The following WDR33 variants were observed in gnomAD, a reference collection of about 807,000 sequenced individuals.
The protein encoded by WDR33 is WD repeat domain 33, also known as pre-mRNA 3' end processing protein WDR33.
WDR33 carries 47 observed loss-of-function variants against 164.9 expected under a neutral mutation model. The ratio of observed to expected loss-of-function variants is 0.29; its 90% CI spans 0.23 to 0.36. WDR33 has a LOEUF of 0.36. WDR33 is among the 10% of genes least tolerant of loss of function. The probability of loss-of-function intolerance (pLI) is 1.00; values close to 1 mark genes in which losing one functional copy is unlikely to be tolerated. For missense variants in WDR33, 1,137 were observed against 1,754.1 expected, an observed-to-expected ratio of 0.65 and a Z score of 6.28; for synonymous variants, 505 against 589.0, an observed-to-expected ratio of 0.86 and a Z score of 2.06.
At chr2:127,791,214 A>C (rs1291668970) in intron 1 of WDR33, among the ~76,000 whole-genome samples, 1 of 104,220 alleles carries the variant, frequency 9.6e-6, no homozygotes, top group Non-Finnish European at 1.9e-5. Flanking sequence ...GCTGCAAGAC[A>C]GTGGCACAAT....
Position 127,701,989 on chromosome 2 carries a change from G to A in WDR33, c.*4334C>T. On this transcript the variant is annotated 3_prime_UTR_variant, in exon 22 of 22. Coordinates refer to ENST00000322313, the MANE Select transcript of WDR33 (RefSeq NM_018383.5). ...GCGCTGCTCTACATGGCAGCGCTGG[G>A]CGCCACGCTGTTCGCCGCGCTGGGC... 7.5e-7 allele frequency: 1 copy of A among 1,341,472 alleles called. No homozygotes were observed. Among genetic ancestry groups the A allele is most frequent in the Non-Finnish European group, 9.5e-7 (1 of 1,049,690 alleles). The allele number at this position is 1,341,472 out of a possible 1,614,324, so 83.1% of individuals were successfully genotyped here.
chr2:127,768,093 T>C (rs767626733), intron 4 of WDR33, 96 bp downstream of exon 4: 4 of 748,554 alleles, frequency 5.3e-6, no homozygotes, highest in Non-Finnish European at 7.7e-6. Context: ...CCAGATATAC[T>C]TTTAAAATAA....
Position 127,701,582 on chromosome 2 carries a change from C to T in WDR33, c.*4741G>A. ...AGTACCTGGCGCAGGGGAAAGCTGG[C>T]GGCCCGGCGGCCGCGGAGCCGCTGC... On this transcript the variant is annotated 3_prime_UTR_variant, in exon 22 of 22. Transcript: ENST00000322313. The T allele has an allele frequency of 2.2e-6, 3 of 1,334,144 alleles. No individual in the cohort carries two copies. Among genetic ancestry groups the T allele is most frequent in the Non-Finnish European group, 9.6e-7 (1 of 1,036,406 alleles). 82.6% of individuals were successfully genotyped at this position (1,334,144 alleles called of 1,614,324 possible).
intron 1 of WDR33, among the ~76,000 whole-genome samples, chr2:127,773,810 C>G (rs59727076): frequency 6.6e-6 from 1 of 152,106 alleles, no homozygotes; most frequent in South Asian, 2.1e-4. Context: ...GTTGCCCAGG[C>G]TGGAGTGCAG....
At chr2:127,807,232 C>T (rs1689471029) in intron 1 of WDR33, among the ~76,000 whole-genome samples, 1 of 152,170 alleles carries the variant, frequency 6.6e-6, no homozygotes, top group Non-Finnish European at 1.5e-5. Context: ...TCTTGAACTC[C>T]TGACCTCAGG....
intron 7 of WDR33, among the ~76,000 whole-genome samples, chr2:127,748,248 A>T (rs1687222359): frequency 1.3e-5 from 2 of 152,200 alleles, no homozygotes; most frequent in Non-Finnish European, 2.9e-5. Flanking sequence ...ACACCCTGTT[A>T]CTAGGACACC....
chr2:127,736,968 T>C (rs922537797), intron 7 of WDR33: 1 of 985,136 alleles, frequency 1.0e-6, no homozygotes, highest in Admixed American at 6.1e-5. Flanking sequence ...GATAACAATT[T>C]GAAAAGGTAC....
Position 127,808,161 on chromosome 2 carries a change from A to G in WDR33, c.-24+2851T>C, listed in dbSNP as rs138862504. On this transcript the variant is annotated intron_variant, in intron 1 of 21. Coordinates refer to ENST00000322313, the MANE Select transcript of WDR33 (RefSeq NM_018383.5). ...TTTAAAACTGAAAATGATGTCACCA[A>G]TTAAATTCATCACAGAAAGAAAAAA... Among the ~76,000 whole-genome samples, 862 of 152,266 alleles carry G rather than the reference A, an allele frequency of 5.7e-3. 14 individuals are homozygous for G. Among genetic ancestry groups the G allele is most frequent in the African/African-American group, 0.019 (807 of 41,512 alleles).
intron 8 of WDR33, 34 bp from the exon 9 acceptor site, chr2:127,725,249 T>G (rs757535919): frequency 6.4e-7 from 1 of 1,569,144 alleles, no homozygotes. Flanking sequence ...AATGTCAGAA[T>G]TCAAAACAAG....
At chr2:127,791,803 G>A (rs1688853322) in intron 1 of WDR33, among the ~76,000 whole-genome samples, 2 of 152,192 alleles carry the variant, frequency 1.3e-5, no homozygotes, top group African/African-American at 2.4e-5. Flanking sequence ...CTACCAGCAT[G>A]AGGTAAAAGT....
chr2:127,806,407 A>G (rs1349788908), intron 1 of WDR33, among the ~76,000 whole-genome samples: 1 of 151,694 alleles, frequency 6.6e-6, no homozygotes. Flanking sequence ...GAGGTTACAC[A>G]ATGTTGGCCA....
intron 1 of WDR33, among the ~76,000 whole-genome samples, chr2:127,795,657 T>TAA (rs113988239): frequency 0.021 from 2,782 of 130,502 alleles, 106 homozygotes; most frequent in African/African-American, 0.074. Context: ...CTCCTTTCTA[T>TAA]AAAAAAAAAA....
intron 7 of WDR33, among the ~76,000 whole-genome samples, chr2:127,754,538 C>A (rs866606259): frequency 1.3e-5 from 2 of 151,946 alleles, no homozygotes; most frequent in South Asian, 2.1e-4. Context: ...CCTGCCTCAG[C>A]CTTCTGAGTA....
At chr2:127,808,035 A>G (rs957191416) in intron 1 of WDR33, among the ~76,000 whole-genome samples, 1 of 152,270 alleles carries the variant, frequency 6.6e-6, no homozygotes, top group Non-Finnish European at 1.5e-5. Context: ...AAAATACATT[A>G]AAGATATATA....
chr2:127,711,780 A>ATATATATATATATATATATATAT, intron 18 of WDR33, among the ~76,000 whole-genome samples: 1 of 88,318 alleles, frequency 1.1e-5, no homozygotes, highest in African/African-American at 6.5e-5. Flanking sequence ...ATATATATAT[A>ATATATATATATATATATATATAT]TTTTTTTTTT....
intron 7 of WDR33, among the ~76,000 whole-genome samples, chr2:127,739,099 C>T (rs1255678280): frequency 6.6e-6 from 1 of 152,190 alleles, no homozygotes; most frequent in Non-Finnish European, 1.5e-5. Flanking sequence ...TTAAATTAAA[C>T]ATATTATAAA....
Position 127,702,316 on chromosome 2 carries a change from G to A in WDR33, c.*4007C>T, listed in dbSNP as rs1685913526. 9 of 928,470 alleles carry A rather than the reference G, an allele frequency of 9.7e-6. No individual in the cohort carries two copies. Among genetic ancestry groups the A allele is most frequent in the Non-Finnish European group, 1.2e-5 (9 of 721,990 alleles). 57.5% of individuals were successfully genotyped at this position (928,470 alleles called of 1,614,324 possible). A position where few individuals can be genotyped will look rare whatever the true frequency, so the allele number is the denominator to read the frequency against. The stretch of plus-strand genomic sequence containing the variant: ...CCTAACAGCCTGCGAGTCTAATCCG[G>A]GAGCGGCTGCTGCCAGCGGAGGCGA... On this transcript the variant is annotated 3_prime_UTR_variant, in exon 22 of 22. Coordinates refer to ENST00000322313, the MANE Select transcript of WDR33 (RefSeq NM_018383.5).
chr2:127,788,544 C>T (rs1233156531), intron 1 of WDR33, among the ~76,000 whole-genome samples: 7 of 124,382 alleles, frequency 5.6e-5, no homozygotes, highest in African/African-American at 1.0e-4. Context: ...ATCTCCCTCC[C>T]GGACGGGGTG....
intron 1 of WDR33, among the ~76,000 whole-genome samples, chr2:127,788,425 G>T (rs1688692012): frequency 8.3e-6 from 1 of 120,160 alleles, no homozygotes; most frequent in African/African-American, 3.5e-5. Flanking sequence ...GCGGAGGGCT[G>T]ACCCCCCCCA....
Sources: gnomAD v4.1 joint callset for allele counts (sites outside exome capture counted in the v4.1 genomes callset) on GRCh38, gnomAD v4.1.1 for gene constraint, MANE v1.5 for transcripts, NCBI Gene and HGNC (gene_info 2026-07-23, HGNC 2026-07-21) for gene names.